ADAMTS17: variants seen among roughly 807,000 people sequenced by gnomAD.
The protein encoded by ADAMTS17 is ADAM metallopeptidase with thrombospondin type 1 motif 17.
ADAMTS17 carries 113 observed loss-of-function variants against 141.5 expected under a neutral mutation model. The ratio of observed to expected loss-of-function variants is 0.80; its 90% CI spans 0.69 to 0.93. The LOEUF is 0.93. Ranked by LOEUF, ADAMTS17 falls within the 40% of genes least tolerant of loss-of-function variation. The pLI is 0.00. For synonymous variants in ADAMTS17, 768 were observed against 630.6 expected, an observed-to-expected ratio of 1.22 and a Z score of -3.27; for missense variants, 1,659 against 1,517.9, an observed-to-expected ratio of 1.09 and a Z score of -1.54.
intron 10 of ADAMTS17, 127 bp downstream of exon 10, chr15:100,152,485 C>G: frequency 1.6e-6 from 2 of 1,249,078 alleles, no homozygotes; most frequent in Non-Finnish European, 1.1e-6. Context: ...TACATGTATA[C>G]CTGTGCTTGT....
chr15:100,251,589 G>C (rs912641153), intron 7 of ADAMTS17, among the ~76,000 whole-genome samples: 4 of 152,198 alleles, frequency 2.6e-5, no homozygotes, highest in Non-Finnish European at 5.9e-5. Context: ...GCCAGGCTTG[G>C]TGGCAGGCAC....
intron 8 of ADAMTS17, among the ~76,000 whole-genome samples, chr15:100,189,988 A>C (rs1412233014): frequency 1.3e-5 from 2 of 152,178 alleles, no homozygotes; most frequent in Non-Finnish European, 2.9e-5. Flanking sequence ...TTCAACGCTG[A>C]CCAGCCTGCC....
chr15:100,096,606 GC>G, intron 14 of ADAMTS17, 130 bp from the exon 15 acceptor site: 1 of 1,161,074 alleles, frequency 8.6e-7, no homozygotes, highest in Non-Finnish European at 1.2e-6. Context: ...CCATTCAGAG[GC>G]CCAAGAAAAT....
At chr15:100,030,764 A>C (rs1175798289) in intron 18 of ADAMTS17, among the ~76,000 whole-genome samples, 1 of 152,210 alleles carries the variant, frequency 6.6e-6, no homozygotes. Flanking sequence ...AAGAAGGGGA[A>C]TGTTAGTATA....
chr15:100,288,200 A>G (rs1023742175), intron 3 of ADAMTS17, among the ~76,000 whole-genome samples: 6 of 152,226 alleles, frequency 3.9e-5, no homozygotes, highest in African/African-American at 1.2e-4. Flanking sequence ...AACAAAACAA[A>G]AAAGCAAGAG....
intron 15 of ADAMTS17, among the ~76,000 whole-genome samples, chr15:100,069,509 C>G (rs1323966764): frequency 1.3e-5 from 2 of 152,110 alleles, no homozygotes; most frequent in Non-Finnish European, 2.9e-5. Context: ...TCAGGTTACC[C>G]ACAAAGGGAA....
At chr15:99,988,578 A>G (rs1389703117) in intron 20 of ADAMTS17, among the ~76,000 whole-genome samples, 1 of 152,158 alleles carries the variant, frequency 6.6e-6, no homozygotes, top group African/African-American at 2.4e-5. Flanking sequence ...ACATCCCACA[A>G]ATCCCTTTTG....
intron 9 of ADAMTS17, among the ~76,000 whole-genome samples, chr15:100,153,852 C>G (rs891268122): frequency 6.6e-6 from 1 of 152,132 alleles, no homozygotes; most frequent in Non-Finnish European, 1.5e-5. Flanking sequence ...ACACACACTA[C>G]TTGTCACCAG....
intron 7 of ADAMTS17, among the ~76,000 whole-genome samples, chr15:100,234,286 CGT>C: frequency 6.6e-6 from 1 of 152,194 alleles, no homozygotes; most frequent in Non-Finnish European, 1.5e-5. Context: ...TCGCAGCCAC[CGT>C]TTTCCACGAG....
intron 8 of ADAMTS17, among the ~76,000 whole-genome samples, chr15:100,183,556 A>G (rs2040599467): frequency 1.3e-5 from 2 of 152,198 alleles, no homozygotes; most frequent in South Asian, 4.1e-4. Flanking sequence ...AAGAAAATTT[A>G]TAATTAATTT....
chr15:100,191,827 G>T (rs1383678968), intron 8 of ADAMTS17, among the ~76,000 whole-genome samples: 1 of 152,128 alleles, frequency 6.6e-6, no homozygotes, highest in Non-Finnish European at 1.5e-5. Context: ...AATGCTGAGT[G>T]GGGCAGAGCA....
At chr15:100,281,475 T>G in intron 3 of ADAMTS17, 74 bp from the exon 4 acceptor site, 1 of 1,541,828 alleles carries the variant, frequency 6.5e-7, no homozygotes, top group Non-Finnish European at 8.8e-7. Context: ...ACAGGCCTTC[T>G]GTCAAGCCTG....
intron 8 of ADAMTS17, among the ~76,000 whole-genome samples, chr15:100,157,155 G>A (rs929768984): frequency 6.6e-6 from 1 of 152,138 alleles, no homozygotes; most frequent in Non-Finnish European, 1.5e-5. Flanking sequence ...GAACAGGACA[G>A]AGGAAACCAC....
chr15:100,269,656 AG>A (rs1176112056), intron 4 of ADAMTS17, among the ~76,000 whole-genome samples: 1 of 152,062 alleles, frequency 6.6e-6, no homozygotes, highest in East Asian at 1.9e-4. Flanking sequence ...TTCCTGGAGG[AG>A]GGACAGTAGA....
chr15:100,030,563 A>C (rs2141483733), intron 18 of ADAMTS17, among the ~76,000 whole-genome samples: 1 of 152,208 alleles, frequency 6.6e-6, no homozygotes, highest in African/African-American at 2.4e-5. Flanking sequence ...TTCGGGTTTG[A>C]ATGATGCTGA....
chr15:100,204,031 C>G (rs2041440629), intron 7 of ADAMTS17, among the ~76,000 whole-genome samples: 1 of 152,210 alleles, frequency 6.6e-6, no homozygotes, highest in Non-Finnish European at 1.5e-5. Flanking sequence ...AACACAGGTG[C>G]TCATTTGTCT....
rs2031921390 is a variant in ADAMTS17, at chr15:100,048,904, G to A, written c.2544C>T (p.Arg848=). The change falls in exon 18 of 22, where the codon CGC becomes CGT. Residue 848 remains arginine (R), a synonymous_variant. Coordinates refer to ENST00000268070, the MANE Select transcript of ADAMTS17 (RefSeq NM_139057.4). ...TGCACCTTCGGACCTGGGGCTCTGG[G>A]CGGCTTGCTTGAGGGCAGTCACTGT... is the stretch of plus-strand genomic sequence containing the variant. ...VNDSDCPQAS[R]PEPQVRRCNL... The A allele has an allele frequency of 6.2e-7, 1 of 1,614,210 alleles. No individual in the cohort carries two copies. Among genetic ancestry groups the A allele is most frequent in the Non-Finnish European group, 8.5e-7 (1 of 1,180,042 alleles).
intron 8 of ADAMTS17, among the ~76,000 whole-genome samples, chr15:100,169,146 C>T (rs2040064532): frequency 6.6e-6 from 1 of 152,182 alleles, no homozygotes; most frequent in African/African-American, 2.4e-5. Flanking sequence ...CCTCGGGAAG[C>T]CCAAGGCATT....
At chr15:100,122,859 G>A (rs1263740027) in intron 12 of ADAMTS17, among the ~76,000 whole-genome samples, 2 of 152,322 alleles carry the variant, frequency 1.3e-5, no homozygotes, top group East Asian at 3.9e-4. Context: ...AGGAGCAGCA[G>A]AGACAGAAAA....
Sources: gnomAD v4.1 joint callset for allele counts (sites outside exome capture counted in the v4.1 genomes callset) on GRCh38, gnomAD v4.1.1 for gene constraint, MANE v1.5 for transcripts, NCBI Gene and HGNC (gene_info 2026-07-23, HGNC 2026-07-21) for gene names.